The following RAPGEF5 variants were observed in gnomAD, a reference collection of about 807,000 sequenced individuals.
RAPGEF5 encodes M-Ras-regulated GEF.
Under a neutral mutation model 125.2 loss-of-function variants are expected in RAPGEF5, and 65 were observed. The ratio of observed to expected loss-of-function variants is 0.52; its 90% CI spans 0.43 to 0.64. The LOEUF (loss-of-function observed/expected upper bound fraction) is 0.64, where lower values mean the gene tolerates loss of function less well. Ranked by LOEUF, RAPGEF5 falls within the 30% of genes least tolerant of loss-of-function variation. RAPGEF5 has a pLI of 0.00. For missense variants in RAPGEF5, 958 were observed against 1,048.1 expected, an observed-to-expected ratio of 0.91 and a Z score of 1.19; for synonymous variants, 391 against 385.9, an observed-to-expected ratio of 1.01 and a Z score of -0.16.
At chr7:22,281,121 C>A (rs1782663877) in intron 6 of RAPGEF5, among the ~76,000 whole-genome samples, 1 of 152,182 alleles carries the variant, frequency 6.6e-6, no homozygotes, top group African/African-American at 2.4e-5. Context: ...TCTCTAAACA[C>A]AAGTAGGGTT....
intron 20 of RAPGEF5, among the ~76,000 whole-genome samples, chr7:22,144,067 T>C (rs1445337251): frequency 2.0e-5 from 3 of 152,246 alleles, no homozygotes; most frequent in Non-Finnish European, 1.5e-5. Context: ...GGGGAAGATT[T>C]TGATTCATGC....
At chr7:22,172,658 G>A (rs1434564252) in intron 11 of RAPGEF5, among the ~76,000 whole-genome samples, 1 of 152,086 alleles carries the variant, frequency 6.6e-6, no homozygotes, top group Non-Finnish European at 1.5e-5. Context: ...ATGGAGTTCT[G>A]TTACATATAA....
At chr7:22,239,224 G>A (rs1288935108) in intron 7 of RAPGEF5, among the ~76,000 whole-genome samples, 2 of 152,170 alleles carry the variant, frequency 1.3e-5, no homozygotes, top group African/African-American at 2.4e-5. Flanking sequence ...TGTCATTAAG[G>A]CCGTAATGAC....
chr7:22,312,087 G>C (rs761796059), intron 3 of RAPGEF5, among the ~76,000 whole-genome samples: 5 of 152,218 alleles, frequency 3.3e-5, no homozygotes, highest in Non-Finnish European at 1.5e-5. Flanking sequence ...TTGTTCACAG[G>C]TGATATGGAA....
intron 17 of RAPGEF5, among the ~76,000 whole-genome samples, chr7:22,152,721 G>C (rs551797872): frequency 3.9e-5 from 6 of 152,130 alleles, no homozygotes; most frequent in African/African-American, 1.4e-4. Flanking sequence ...TTTGAAGTAG[G>C]ACTAAAATAT....
intron 9 of RAPGEF5, among the ~76,000 whole-genome samples, chr7:22,196,980 T>C (rs911141198): frequency 1.3e-5 from 2 of 152,044 alleles, no homozygotes; most frequent in Non-Finnish European, 2.9e-5. Flanking sequence ...AAAATCACAC[T>C]AAGGGGAAGA....
chr7:22,169,882 GCT>G (rs1784295918), intron 11 of RAPGEF5, among the ~76,000 whole-genome samples: 1 of 8,366 alleles, frequency 1.2e-4, no homozygotes, highest in Non-Finnish European at 2.9e-4. Context: ...AAAAAAAAAA[GCT>G]GAATCTTCCC....
intron 1 of RAPGEF5, among the ~76,000 whole-genome samples, chr7:22,319,571 A>G (rs976245867): frequency 8.5e-5 from 13 of 152,240 alleles, no homozygotes; most frequent in African/African-American, 3.1e-4. Flanking sequence ...GTCTAAATAT[A>G]CTACCAATCA....
At chr7:22,157,320 T>A (rs900226397) in intron 15 of RAPGEF5, among the ~76,000 whole-genome samples, 4 of 152,206 alleles carry the variant, frequency 2.6e-5, no homozygotes. Context: ...ACAATGACTT[T>A]CCTAAGGGAC....
intron 20 of RAPGEF5, among the ~76,000 whole-genome samples, chr7:22,141,359 C>T (rs973603303): frequency 2.6e-5 from 4 of 152,164 alleles, no homozygotes; most frequent in African/African-American, 7.2e-5. Flanking sequence ...TAATACAAAC[C>T]GCTGTCTCCT....
At chr7:22,154,937 A>T (rs1328420032) in intron 16 of RAPGEF5, among the ~76,000 whole-genome samples, 2 of 152,234 alleles carry the variant, frequency 1.3e-5, no homozygotes, top group South Asian at 4.1e-4. Flanking sequence ...AATACAGTGG[A>T]AACTGTGGTA....
chr7:22,270,164 A>T (rs1385316270), intron 6 of RAPGEF5, among the ~76,000 whole-genome samples: 1 of 152,210 alleles, frequency 6.6e-6, no homozygotes, highest in African/African-American at 2.4e-5. Flanking sequence ...AATTACCTAC[A>T]GGTAGTGTTG....
intron 1 of RAPGEF5, among the ~76,000 whole-genome samples, chr7:22,339,631 T>A (rs1354439221): frequency 6.6e-6 from 1 of 152,220 alleles, no homozygotes. Context: ...GAGGGACAGG[T>A]GCTGCCTGCA....
intron 14 of RAPGEF5, among the ~76,000 whole-genome samples, chr7:22,160,028 G>A (rs144119866): frequency 1.3e-5 from 2 of 152,140 alleles, no homozygotes; most frequent in African/African-American, 4.8e-5. Flanking sequence ...AAAATCGCTC[G>A]AACCCAGGAG....
chr7:22,347,645 T>C (rs1368553525), intron 1 of RAPGEF5, among the ~76,000 whole-genome samples: 1 of 152,212 alleles, frequency 6.6e-6, no homozygotes, highest in Non-Finnish European at 1.5e-5. Flanking sequence ...GACTGTATAA[T>C]ATGGAGTCAG....
chr7:22,320,418 C>T (rs1390525178), intron 1 of RAPGEF5, among the ~76,000 whole-genome samples: 2 of 152,120 alleles, frequency 1.3e-5, no homozygotes, highest in East Asian at 3.9e-4. Context: ...ATATTCCATC[C>T]ATTACCTCAT....
chr7:22,187,173 A>C (rs1032478875), intron 11 of RAPGEF5, among the ~76,000 whole-genome samples: 12 of 151,664 alleles, frequency 7.9e-5, no homozygotes, highest in Admixed American at 5.9e-4. Context: ...TTCAGCATAA[A>C]TTGACTTTGG....
chr7:22,283,073 A>G (rs1173654857), intron 6 of RAPGEF5, among the ~76,000 whole-genome samples: 1 of 151,058 alleles, frequency 6.6e-6, no homozygotes, highest in African/African-American at 2.4e-5. Context: ...ACACACACGC[A>G]TGAAAAATAA....
chr7:22,143,613 A>G (rs947968274), intron 20 of RAPGEF5, among the ~76,000 whole-genome samples: 1 of 152,188 alleles, frequency 6.6e-6, no homozygotes, highest in Non-Finnish European at 1.5e-5. Flanking sequence ...GTCTCCACTG[A>G]GTTGGCCTCC....
Sources: gnomAD v4.1 joint callset for allele counts (sites outside exome capture counted in the v4.1 genomes callset) on GRCh38, gnomAD v4.1.1 for gene constraint, MANE v1.5 for transcripts, NCBI Gene and HGNC (gene_info 2026-07-23, HGNC 2026-07-21) for gene names.